Variants in ERP44 observed in about 807,000 individuals in gnomAD.
The protein encoded by ERP44 is endoplasmic reticulum resident protein 44.
A neutral mutation model predicts 53.4 loss-of-function variants in ERP44; 25 were observed. The observed-to-expected ratio is 0.47, with a 90% CI of 0.34 to 0.65. The LOEUF (loss-of-function observed/expected upper bound fraction) is 0.65, where lower values mean the gene tolerates loss of function less well. Ranked by LOEUF, ERP44 falls within the 30% of genes least tolerant of loss-of-function variation. ERP44 has a pLI of 0.01. For synonymous variants in ERP44, 145 were observed against 161.2 expected, an observed-to-expected ratio of 0.90 and a Z score of 0.76; for missense variants, 338 against 493.2, an observed-to-expected ratio of 0.69 and a Z score of 2.98.
intron 9 of ERP44, 90 bp from the exon 10 acceptor site, chr9:100,006,737 A>T (rs574266452): frequency 1.7e-5 from 14 of 835,674 alleles, no homozygotes; most frequent in Middle Eastern, 3.1e-4. Flanking sequence ...TGACATACTA[A>T]AAAAAAAGCA....
At chr9:100,018,383 A>G in intron 6 of ERP44, 70 bp from the exon 7 acceptor site, 1 of 864,742 alleles carries the variant, frequency 1.2e-6, no homozygotes. Flanking sequence ...ACAGACTTGA[A>G]ATATATACTT....
chr9:100,071,095 T>G (rs925424152), intron 1 of ERP44, among the ~76,000 whole-genome samples: 2 of 145,904 alleles, frequency 1.4e-5, no homozygotes, highest in Non-Finnish European at 3.0e-5. Context: ...TATATAAGGT[T>G]TTTTTTTTTT....
intron 10 of ERP44, among the ~76,000 whole-genome samples, chr9:99,990,111 G>A (rs1422671517): frequency 1.3e-5 from 2 of 152,184 alleles, no homozygotes; most frequent in Non-Finnish European, 2.9e-5. Context: ...TATTATCCAG[G>A]AGAACTTCCC....
intron 8 of ERP44, among the ~76,000 whole-genome samples, chr9:100,011,786 A>G (rs935598361): frequency 6.6e-6 from 1 of 152,226 alleles, no homozygotes; most frequent in Non-Finnish European, 1.5e-5. Context: ...ACAGAACATT[A>G]CTGAATAAAA....
chr9:99,998,802 G>C (rs1379339755), intron 10 of ERP44: 1 of 996,500 alleles, frequency 1.0e-6, no homozygotes, highest in African/African-American at 1.6e-5. Context: ...TTCTCTTCTC[G>C]AATTCTCTGC....
intron 1 of ERP44, among the ~76,000 whole-genome samples, chr9:100,092,469 GA>G (rs1242650248): frequency 6.6e-6 from 1 of 152,216 alleles, no homozygotes; most frequent in East Asian, 1.9e-4. Flanking sequence ...TTATAGACAA[GA>G]AAAACAAGTA....
intron 7 of ERP44, among the ~76,000 whole-genome samples, chr9:100,016,980 C>T (rs570839591): frequency 3.3e-5 from 5 of 152,240 alleles, no homozygotes; most frequent in Non-Finnish European, 7.4e-5. Context: ...ATTAATTTAG[C>T]TATTCCTAAG....
intron 10 of ERP44, among the ~76,000 whole-genome samples, chr9:99,995,021 G>A (rs1240704213): frequency 6.6e-6 from 1 of 151,878 alleles, no homozygotes; most frequent in Non-Finnish European, 1.5e-5. Context: ...TCCTTCAGCA[G>A]CATTTTGTAA....
At chr9:99,996,908 CATATATATATATATGTATATATAT>C (rs1830315159) in intron 10 of ERP44, among the ~76,000 whole-genome samples, 1 of 22,484 alleles carries the variant, frequency 4.4e-5, no homozygotes, top group African/African-American at 2.8e-4. Flanking sequence ...TATATATATA[CATATATATATATATGTATATATAT>C]ACACATACAT....
intron 4 of ERP44, among the ~76,000 whole-genome samples, chr9:100,033,898 T>C (rs906399134): frequency 2.0e-5 from 3 of 152,180 alleles, no homozygotes; most frequent in African/African-American, 7.2e-5. Context: ...AGGAATATCA[T>C]TGCCCCTATT....
At chr9:100,044,558 T>C (rs1825947665) in intron 4 of ERP44, among the ~76,000 whole-genome samples, 1 of 152,158 alleles carries the variant, frequency 6.6e-6, no homozygotes, top group African/African-American at 2.4e-5. Context: ...CAAGCATTCC[T>C]CAAAATGCTG....
intron 4 of ERP44, among the ~76,000 whole-genome samples, chr9:100,036,583 A>G (rs974238256): frequency 6.6e-6 from 1 of 152,190 alleles, no homozygotes; most frequent in Non-Finnish European, 1.5e-5. Flanking sequence ...TTATACCCCA[A>G]ATCTCAAAAC....
At chr9:100,039,472 T>G (rs1825880086) in intron 4 of ERP44, among the ~76,000 whole-genome samples, 1 of 152,094 alleles carries the variant, frequency 6.6e-6, no homozygotes, top group Admixed American at 6.6e-5. Context: ...ATTGAAAATT[T>G]TATTGAAACA....
At chr9:100,055,526 C>T (rs1009979334) in intron 3 of ERP44, among the ~76,000 whole-genome samples, 7 of 152,134 alleles carry the variant, frequency 4.6e-5, no homozygotes, top group African/African-American at 1.7e-4. Flanking sequence ...GTGCCTGCCA[C>T]GTCCGGCTAA....
At chr9:100,067,389 C>T (rs1353177385) in intron 1 of ERP44, among the ~76,000 whole-genome samples, 2 of 152,164 alleles carry the variant, frequency 1.3e-5, no homozygotes, top group Admixed American at 1.3e-4. Flanking sequence ...GACGGGGTTT[C>T]GCTGTGTTGG....
At chr9:100,093,551 G>A (rs552384777) in intron 1 of ERP44, among the ~76,000 whole-genome samples, 26 of 152,266 alleles carry the variant, frequency 1.7e-4, no homozygotes, top group African/African-American at 6.0e-4. Context: ...GGCTAAGGTG[G>A]GAGCATCACG....
chr9:100,072,710 C>T (rs180680826), intron 1 of ERP44, among the ~76,000 whole-genome samples: 63 of 152,126 alleles, frequency 4.1e-4, no homozygotes, highest in South Asian at 2.1e-3. Flanking sequence ...TTAGTAGAGA[C>T]GAGGTTTCAC....
intron 8 of ERP44, among the ~76,000 whole-genome samples, chr9:100,010,135 A>T (rs1422147371): frequency 2.0e-5 from 3 of 152,224 alleles, no homozygotes; most frequent in African/African-American, 7.2e-5. Flanking sequence ...ATCAACATAT[A>T]TCAATAAATA....
At chr9:100,060,025 G>T (rs556828991) in intron 2 of ERP44, 75 bp downstream of exon 2, 414 of 1,049,882 alleles carry the variant, frequency 3.9e-4, no homozygotes, top group African/African-American at 2.9e-3. Flanking sequence ...ATTTTATTGG[G>T]TTTTTTTTTT....
Sources: allele counts gnomAD v4.1 joint callset (sites outside exome capture counted in the v4.1 genomes callset), GRCh38; gene constraint gnomAD v4.1.1; transcripts MANE v1.5; gene names NCBI Gene and HGNC (gene_info 2026-07-23, HGNC 2026-07-21).